CFHR2: variants seen among roughly 807,000 people sequenced by gnomAD.
The protein encoded by CFHR2 is complement factor H related 2.
A neutral mutation model predicts 21.7 loss-of-function variants in CFHR2; 22 were observed. The observed-to-expected ratio is 1.01, with a 90% confidence interval of 0.72 to 1.45. The LOEUF (loss-of-function observed/expected upper bound fraction) is 1.45. CFHR2 is among the 40% of genes most tolerant of loss of function. The probability of loss-of-function intolerance (pLI) is 0.00; values close to 1 mark genes in which losing one functional copy is unlikely to be tolerated. For synonymous variants in CFHR2, 98 were observed against 97.4 expected, an observed-to-expected ratio of 1.01 and a Z score of -0.04; for missense variants, 294 against 293.3, an observed-to-expected ratio of 1.00 and a Z score of -0.02.
chr1:196,956,889 A>G (rs192410572), intron 3 of CFHR2, among the ~76,000 whole-genome samples: 1 of 152,150 alleles, frequency 6.6e-6, no homozygotes, highest in Non-Finnish European at 1.5e-5. Flanking sequence ...GGCAGGTTCC[A>G]TTGCTGCCAT....
At chr1:196,945,913 G>A (rs1207158842) in intron 1 of CFHR2, among the ~76,000 whole-genome samples, 2 of 150,968 alleles carry the variant, frequency 1.3e-5, no homozygotes, top group African/African-American at 2.4e-5. Flanking sequence ...ACAAACCTAG[G>A]TTTTATAGCC....
chr1:196,956,698 G>T (rs1304367508), intron 3 of CFHR2, among the ~76,000 whole-genome samples: 1 of 151,660 alleles, frequency 6.6e-6, no homozygotes, highest in African/African-American at 2.4e-5. Context: ...AATTCCTATT[G>T]GATTTTTTAA....
intron 1 of CFHR2, 61 bp from the exon 2 acceptor site, chr1:196,949,394 G>C: frequency 6.8e-7 from 1 of 1,466,590 alleles, no homozygotes; most frequent in South Asian, 1.2e-5. Context: ...TTAAAATATA[G>C]TCTAGTGATT....
chr1:196,946,936 T>C (rs1173649336), intron 1 of CFHR2, among the ~76,000 whole-genome samples: 1 of 152,210 alleles, frequency 6.6e-6, no homozygotes, highest in Non-Finnish European at 1.5e-5. Flanking sequence ...TGACTGGCAA[T>C]GCTGTAGGTT....
intron 1 of CFHR2, among the ~76,000 whole-genome samples, chr1:196,947,862 T>C (rs1009323428): frequency 1.3e-5 from 2 of 152,112 alleles, no homozygotes; most frequent in Non-Finnish European, 2.9e-5. Context: ...CTATGAACTT[T>C]GGGTGATAAT....
rs150945155 is a variant in CFHR2 at position 196,954,193 on chromosome 1, G to T, written c.430+3165G>T. ...CTTTCTGCCCATATGGGCGAAATTG[G>T]CCAAAAGAAAGGGGCTACAGTCCCC... On this transcript the variant is annotated intron_variant, in intron 3 of 4. Transcript: ENST00000367415. 6.9e-3 allele frequency among the ~76,000 whole-genome samples: 1,049 copies of T among 152,274 alleles called. 8 individuals are homozygous for T. Among genetic ancestry groups the T allele is most frequent in the South Asian group, 0.022 (105 of 4,824 alleles).
chr1:196,948,896 T>C (rs1659619481), intron 1 of CFHR2, among the ~76,000 whole-genome samples: 2 of 152,280 alleles, frequency 1.3e-5, no homozygotes, highest in South Asian at 4.1e-4. Context: ...TTTTCTTATA[T>C]TCTCTCAATT....
In CFHR2 at chr1:196,945,167, C is replaced by T. The variant is rs572383945; in HGVS notation, c.58+1229C>T. Reference sequence around the variant, plus strand: ...TTGGGATTGCAGGCATAAGCCACCACGCCTAGCCCTTGAAATTCGTTTTAT... The same window carrying T: ...TTGGGATTGCAGGCATAAGCCACCATGCCTAGCCCTTGAAATTCGTTTTAT... On this transcript the variant is annotated intron_variant, in intron 1 of 4. Coordinates refer to ENST00000367415, the MANE Select transcript of CFHR2 (RefSeq NM_005666.4). 1.5e-4 allele frequency among the ~76,000 whole-genome samples: 22 copies of T among 144,980 alleles called. 1 individual carries two copies. Among genetic ancestry groups the T allele is most frequent in the South Asian group, 6.6e-4 (3 of 4,536 alleles).
chr1:196,949,996 GA>G (rs1430074728), intron 2 of CFHR2, among the ~76,000 whole-genome samples: 3 of 151,988 alleles, frequency 2.0e-5, no homozygotes, highest in African/African-American at 7.3e-5. Flanking sequence ...ATTCTGTTTT[GA>G]ATTTAACATT....
At chr1:196,947,927 A>G (rs1377981020) in intron 1 of CFHR2, among the ~76,000 whole-genome samples, 3 of 152,188 alleles carry the variant, frequency 2.0e-5, no homozygotes, top group African/African-American at 7.2e-5. Context: ...AGTGGTATAT[A>G]GAAATCTCTA....
Position 196,949,616 on chromosome 1 carries a change from G to T in CFHR2, c.220G>T (p.Glu74Ter), listed in dbSNP as rs756035804. Residue 74 changes from glutamate (E) to a stop codon, truncating the protein, a stop_gained, in exon 2 of 5, where the codon GAA becomes TAA. Coordinates refer to ENST00000367415, the MANE Select transcript of CFHR2 (RefSeq NM_005666.4). LOFTEE classifies it high-confidence loss of function. Reference sequence around the variant, plus strand: ...CTTTTGGACTCGCATAACGTGCGCAGAAGAAGGATGGTCACCAACACCAAA... The same window carrying T: ...CTTTTGGACTCGCATAACGTGCGCATAAGAAGGATGGTCACCAACACCAAA... ...KSFWTRITCA[E>*]EGWSPTPKCL... 22 of 1,613,850 alleles carry T rather than the reference G, an allele frequency of 1.4e-5. No homozygotes were observed. In the South Asian group the frequency reaches 2.4e-4, roughly 18 times the overall value.
intron 1 of CFHR2, among the ~76,000 whole-genome samples, chr1:196,947,153 G>GTGTGTGTGTATA (rs545777035): frequency 5.3e-5 from 8 of 151,776 alleles, no homozygotes; most frequent in African/African-American, 1.9e-4. Context: ...GTGTGTGTGT[G>GTGTGTGTGTATA]TATCCCAGAA....
intron 1 of CFHR2, among the ~76,000 whole-genome samples, chr1:196,946,090 G>A: frequency 6.6e-6 from 1 of 152,022 alleles, no homozygotes; most frequent in Non-Finnish European, 1.5e-5. Context: ...ATTAAAAACG[G>A]CAGACTTGTA....
chr1:196,947,818 AATGTACAACATCAAG>A (rs1659567350), intron 1 of CFHR2, among the ~76,000 whole-genome samples: 2 of 104,202 alleles, frequency 1.9e-5, no homozygotes, highest in Non-Finnish European at 4.4e-5. Context: ...AAACCCATGG[AATGTACAACATCAAG>A]AGTGAACCCC....
At chr1:196,951,822 T>G (rs1261660946) in intron 3 of CFHR2, among the ~76,000 whole-genome samples, 1 of 152,154 alleles carries the variant, frequency 6.6e-6, no homozygotes, top group Non-Finnish European at 1.5e-5. Flanking sequence ...ATTGAGTTCT[T>G]GCTGGGTTCT....
chr1:196,949,381 T>A, intron 1 of CFHR2, 74 bp from the exon 2 acceptor site: 1 of 1,395,114 alleles, frequency 7.2e-7, no homozygotes, highest in Non-Finnish European at 9.8e-7. Context: ...CTAAATGAGA[T>A]GATTAAAATA....
At chr1:196,954,686 A>C (rs901715656) in intron 3 of CFHR2, among the ~76,000 whole-genome samples, 2 of 151,718 alleles carry the variant, frequency 1.3e-5, no homozygotes, top group East Asian at 1.9e-4. Flanking sequence ...CCAAAAAAAA[A>C]CCTCAAATCT....
At chr1:196,950,192 G>A (rs1280072360) in intron 2 of CFHR2, among the ~76,000 whole-genome samples, 4 of 152,126 alleles carry the variant, frequency 2.6e-5, no homozygotes, top group African/African-American at 4.8e-5. Flanking sequence ...AAAGGAGATA[G>A]CAATGATCTT....
intron 1 of CFHR2, among the ~76,000 whole-genome samples, chr1:196,946,056 T>A (rs1015907289): frequency 3.9e-5 from 6 of 152,014 alleles, no homozygotes; most frequent in African/African-American, 1.5e-4. Flanking sequence ...TATAGCAAAG[T>A]ACAATAAAAA....
Sources: allele counts gnomAD v4.1 joint callset (sites outside exome capture counted in the v4.1 genomes callset), GRCh38; gene constraint gnomAD v4.1.1; transcripts MANE v1.5; gene names NCBI Gene and HGNC (gene_info 2026-07-23, HGNC 2026-07-21).